The following ZFC3H1 variants were observed in gnomAD, a reference collection of about 807,000 sequenced individuals.
ZFC3H1 encodes zinc finger C3H1 domain-containing protein.
A neutral mutation model predicts 243.7 loss-of-function variants in ZFC3H1; 71 were observed. The observed-to-expected ratio is 0.29, with a 90% CI of 0.24 to 0.36. The LOEUF (loss-of-function observed/expected upper bound fraction) is 0.36, where lower values mean the gene tolerates loss of function less well. Ranked by LOEUF, ZFC3H1 falls within the 10% of genes least tolerant of loss-of-function variation. The pLI, the probability that ZFC3H1 is intolerant of heterozygous loss-of-function variation, is 1.00. For missense variants in ZFC3H1, 1,966 were observed against 2,317.1 expected (o/e 0.85, Z 3.11); for synonymous variants, 838 against 813.0 (o/e 1.03, Z -0.52).
intron 2 of ZFC3H1, among the ~76,000 whole-genome samples, chr12:71,650,924 T>C (rs1880867958): frequency 6.6e-6 from 1 of 152,136 alleles, no homozygotes; most frequent in Admixed American, 6.5e-5. Flanking sequence ...TAATCCCTTC[T>C]CTCCCATTAT....
In ZFC3H1 at chr12:71,615,239, T is replaced by G. The variant is rs1169265077; in HGVS notation, c.5222A>C (p.Asn1741Thr). 6.2e-6 allele frequency: 10 copies of G among 1,613,520 alleles called. No individual in the cohort carries two copies. Among genetic ancestry groups the G allele is most frequent in the Non-Finnish European group, 8.5e-6 (10 of 1,179,802 alleles). Reference sequence around the variant, plus strand: ...CAGCCACAAATAAGGAACTTGGTGGTTAAACATATCATCATCAAAATTCCC... The same window carrying G: ...CAGCCACAAATAAGGAACTTGGTGGGTAAACATATCATCATCAAAATTCCC... ...CKGNFDDDMFNHQVPYLWLIY... is the reference protein window; with the variant it reads ...CKGNFDDDMFTHQVPYLWLIY... The change falls in exon 28 of 35, where the codon AAC becomes ACC. Residue 1741 changes from asparagine to threonine, a missense_variant. This residue lies in a region of ZFC3H1 where 1,383 missense variants were observed against 1,723.7 expected (regional missense o/e 0.80). Transcript: ENST00000378743.
chr12:71,644,060 G>A (rs987873001), intron 5 of ZFC3H1, 35 bp downstream of exon 5: 10 of 1,552,290 alleles, frequency 6.4e-6, no homozygotes, highest in African/African-American at 2.7e-5. Context: ...GAAACTTAGA[G>A]TAACGTTTTG....
At chr12:71,637,121 G>T in intron 7 of ZFC3H1, 62 bp from the exon 8 acceptor site, 2 of 1,372,208 alleles carry the variant, frequency 1.5e-6, no homozygotes, top group Non-Finnish European at 2.0e-6. Context: ...GCTTCTCTCT[G>T]CAGCAATATT....
intron 7 of ZFC3H1, among the ~76,000 whole-genome samples, 188 bp downstream of exon 7, chr12:71,638,230 G>GA (rs539896871): frequency 6.6e-5 from 10 of 152,160 alleles, no homozygotes; most frequent in African/African-American, 2.2e-4. Flanking sequence ...AATTAGCTAT[G>GA]AAAAAAATCT....
chr12:71,624,996 T>C (rs903954523), intron 22 of ZFC3H1, among the ~76,000 whole-genome samples: 1 of 152,020 alleles, frequency 6.6e-6, no homozygotes, highest in African/African-American at 2.4e-5. Context: ...AGAAAGGAAA[T>C]GCATGACAAA....
At chr12:71,642,763 G>C (rs1880631551) in intron 5 of ZFC3H1, among the ~76,000 whole-genome samples, 1 of 152,110 alleles carries the variant, frequency 6.6e-6, no homozygotes, top group Non-Finnish European at 1.5e-5. Context: ...GATAGAAAAT[G>C]GAATTTCCAA....
intron 3 of ZFC3H1, among the ~76,000 whole-genome samples, chr12:71,645,912 G>T (rs559591997): frequency 6.6e-6 from 1 of 152,240 alleles, no homozygotes; most frequent in South Asian, 2.1e-4. Context: ...GGGGTGGGAG[G>T]ATAGCTTTGG....
chr12:71,637,022 A>T lies in ZFC3H1; in HGVS notation c.1763T>A (p.Leu588Ter). Residue 588 changes from leucine to a stop codon, truncating the protein, a stop_gained, in exon 8 of 35, where the codon TTG becomes TAG. Coordinates refer to ENST00000378743, the MANE Select transcript of ZFC3H1 (RefSeq NM_144982.5). LOFTEE classifies it high-confidence loss of function. ...PPLSQPYVEG[L>*]CVSLEPLPPL... The stretch of plus-strand genomic sequence containing the variant: ...AGGTAGAGGTTCAAGAGAAACACAC[A>T]AGCCTTCCACATAAGGCTGGCTCAA... 6.2e-7 allele frequency: 1 copy of T among 1,613,992 alleles called. No homozygotes were observed. Among genetic ancestry groups the T allele is most frequent in the Non-Finnish European group, 8.5e-7 (1 of 1,179,920 alleles).
Position 71,663,131 on chromosome 12 carries a change from C to T in ZFC3H1, c.480G>A (p.Gly160=). The T allele has an allele frequency of 6.2e-7, 1 of 1,614,044 alleles. No individual in the cohort carries two copies. Among genetic ancestry groups the T allele is most frequent in the African/African-American group, 1.3e-5 (1 of 75,050 alleles). The stretch of plus-strand genomic sequence containing the variant: ...TGCCTCCTCGCTCACCCACTCCTCG[C>T]CCCCGACTCCAGCGACTCCCACCCC... ...PYRGGSRWSR[G]RGVGERGGKP... Residue 160 remains glycine, a synonymous_variant, in exon 1 of 35, where the codon GGG becomes GGA. Transcript: ENST00000378743.
chr12:71,658,120 C>G (rs1252845173), intron 1 of ZFC3H1, among the ~76,000 whole-genome samples: 1 of 151,926 alleles, frequency 6.6e-6, no homozygotes, highest in South Asian at 2.1e-4. Flanking sequence ...CACAGTGATA[C>G]ACAAAAGGTA....
At chr12:71,623,310 A>G in intron 24 of ZFC3H1, 50 bp downstream of exon 24, 1 of 1,418,308 alleles carries the variant, frequency 7.1e-7, no homozygotes, top group Non-Finnish European at 9.5e-7. Context: ...AATGTTCTAA[A>G]CACTGATGTT....
chr12:71,636,138 G>T (rs1398718995), intron 9 of ZFC3H1, among the ~76,000 whole-genome samples: 2 of 151,988 alleles, frequency 1.3e-5, no homozygotes, highest in Non-Finnish European at 2.9e-5. Flanking sequence ...AGAGATGGGA[G>T]AAATAAAAAA....
In ZFC3H1 at chr12:71,635,424, C is replaced by T; in HGVS notation, c.2238+19G>A. ...ATCAAAAGGTCATCTTTCTTTCCAC[C>T]TTTAATTATTGCACTTACCTCAGCA... On this transcript the variant is annotated intron_variant, in intron 10 of 34. Transcript: ENST00000378743. 2 of 1,556,048 alleles carry T rather than the reference C, an allele frequency of 1.3e-6. No individual in the cohort carries two copies. The highest frequency in any genetic ancestry group is 2.2e-5 in the Admixed American group (1 of 45,186).
chr12:71,662,016 A>AAT (rs1881191221), intron 1 of ZFC3H1, among the ~76,000 whole-genome samples: 1 of 152,178 alleles, frequency 6.6e-6, no homozygotes, highest in African/African-American at 2.4e-5. Context: ...TTTCATATAT[A>AAT]ATAACGAAAT....
Position 71,628,928 on chromosome 12 carries a change from T to A in ZFC3H1, c.3936A>T (p.Pro1312=). 1 of 1,592,240 alleles carries A rather than the reference T, an allele frequency of 6.3e-7. No homozygotes were observed. Among genetic ancestry groups the A allele is most frequent in the Non-Finnish European group, 8.5e-7 (1 of 1,173,148 alleles). The part of the protein sequence containing the change: ...FSSDEEQSTG[P]IKYAFQPENQ... ...TACATAACTTCTTACCATACTTAAT[T>A]GGTCCTGTAGACTGTTCCTCATCAC... Residue 1312 remains proline, a synonymous_variant, in exon 20 of 35, where the codon CCA becomes CCT. Transcript: ENST00000378743.
At chr12:71,661,230 G>A (rs1234349492) in intron 1 of ZFC3H1, among the ~76,000 whole-genome samples, 2 of 151,194 alleles carry the variant, frequency 1.3e-5, no homozygotes, top group Admixed American at 6.6e-5. Context: ...AACCCGGGAG[G>A]CGGAGCTTGC....
chr12:71,652,058 G>T (rs571138531), intron 2 of ZFC3H1, among the ~76,000 whole-genome samples: 2 of 152,262 alleles, frequency 1.3e-5, no homozygotes, highest in East Asian at 3.9e-4. Context: ...AATAAAGGTT[G>T]AGTAAAAGGC....
In ZFC3H1 at chr12:71,647,790, A is replaced by C. The variant is rs2137552184; in HGVS notation, c.1039T>G (p.Leu347Val). ...SQGLQDKEQN[L>V]TRRISTSDIL... Reference sequence around the variant, plus strand: ...TCTGAGGTACTAATTCTTCTTGTTAAATTTTGTTCTTTATCTTGTAATCCT... The same window carrying C: ...TCTGAGGTACTAATTCTTCTTGTTACATTTTGTTCTTTATCTTGTAATCCT... The change falls in exon 3 of 35, where the codon TTA (leucine) becomes GTA (valine). Residue 347 changes from leucine to valine, a missense_variant. By Grantham distance (32) the Leu-to-Val change is conservative (BLOSUM62 1). This residue lies in a region of ZFC3H1 where 484 missense variants were observed against 449.7 expected (regional missense o/e 1.08). Coordinates refer to ENST00000378743, the MANE Select transcript of ZFC3H1 (RefSeq NM_144982.5). 6.9e-7 allele frequency: 1 copy of C among 1,448,778 alleles called. No homozygotes were observed. Among genetic ancestry groups the C allele is most frequent in the South Asian group, 1.3e-5 (1 of 79,690 alleles). The allele number at this position is 1,448,778 out of a possible 1,614,324, so 89.7% of individuals were successfully genotyped here.
chr12:71,611,357 A>C (rs1156426703), intron 32 of ZFC3H1: 1 of 258,196 alleles, frequency 3.9e-6, no homozygotes, highest in Non-Finnish European at 7.1e-6. Flanking sequence ...GAAAAAAAAA[A>C]CAACAACAAC....
Sources: gnomAD v4.1 joint callset for allele counts (sites outside exome capture counted in the v4.1 genomes callset) on GRCh38, gnomAD v4.1.1 for gene constraint, gnomAD v4.1.1 regional missense constraint, MANE v1.5 for transcripts, NCBI Gene and HGNC (gene_info 2026-07-23, HGNC 2026-07-21) for gene names.